The following CDH18 variants were observed in gnomAD, a reference collection of about 807,000 sequenced individuals.
CDH18 encodes the protein cadherin 18.
CDH18 carries 31 observed loss-of-function variants against 67.9 expected under a neutral mutation model. The ratio of observed to expected loss-of-function variants is 0.46; its 90% confidence interval spans 0.34 to 0.62. The LOEUF (loss-of-function observed/expected upper bound fraction) is 0.62, where lower values mean the gene tolerates loss of function less well. Among genes scored for constraint, CDH18 ranks in the 20% least tolerant of loss-of-function variants. The pLI is 0.01. For synonymous variants in CDH18, 362 were observed against 347.2 expected (o/e 1.04, Z -0.48); for missense variants, 890 against 975.5 (o/e 0.91, Z 1.17).
chr5:19,510,351 A>T (rs538801999), intron 10 of CDH18, among the ~76,000 whole-genome samples: 9 of 152,138 alleles, frequency 5.9e-5, no homozygotes, highest in Non-Finnish European at 1.2e-4. Context: ...GATTTGTCTA[A>T]ATGTGGATGC....
chr5:19,934,062 G>C (rs1793989450), intron 2 of CDH18, among the ~76,000 whole-genome samples: 1 of 151,236 alleles, frequency 6.6e-6, no homozygotes, highest in African/African-American at 2.4e-5. Flanking sequence ...AATTCCATGA[G>C]AGCCAGGATT....
chr5:19,775,246 G>A (rs1317815361), intron 3 of CDH18, among the ~76,000 whole-genome samples: 2 of 152,206 alleles, frequency 1.3e-5, no homozygotes, highest in Admixed American at 6.5e-5. Flanking sequence ...AGAAAGAGTT[G>A]ATTGAAAGTA....
At chr5:19,549,685 A>C (rs1331875724) in intron 8 of CDH18, among the ~76,000 whole-genome samples, 4 of 150,972 alleles carry the variant, frequency 2.6e-5, no homozygotes, top group African/African-American at 9.7e-5. Flanking sequence ...GGAAAGAAGA[A>C]AAGCGAAAGA....
chr5:20,418,185 C>T (rs890550839), intron 1 of CDH18, among the ~76,000 whole-genome samples: 16 of 151,276 alleles, frequency 1.1e-4, no homozygotes, highest in Admixed American at 1.1e-3. Context: ...CAGGAATTCT[C>T]CTGCCTCAGC....
intron 1 of CDH18, among the ~76,000 whole-genome samples, chr5:20,518,805 G>A (rs962724067): frequency 2.6e-5 from 4 of 152,102 alleles, no homozygotes; most frequent in African/African-American, 9.7e-5. Flanking sequence ...AGTATGGAAA[G>A]TGTTTCTGCT....
intron 1 of CDH18, among the ~76,000 whole-genome samples, chr5:20,507,241 T>G (rs1231768935): frequency 6.6e-6 from 1 of 152,206 alleles, no homozygotes; most frequent in Non-Finnish European, 1.5e-5. Flanking sequence ...ATGAATAAGT[T>G]ACTTTGTTTG....
chr5:19,725,576 C>A (rs1766732331), intron 4 of CDH18, among the ~76,000 whole-genome samples: 1 of 152,090 alleles, frequency 6.6e-6, no homozygotes, highest in Non-Finnish European at 1.5e-5. Context: ...TTGAGACCAG[C>A]CTGACCAACA....
intron 3 of CDH18, among the ~76,000 whole-genome samples, chr5:19,751,495 C>A (rs1770837573): frequency 6.6e-6 from 1 of 152,124 alleles, no homozygotes; most frequent in Non-Finnish European, 1.5e-5. Flanking sequence ...AAAACTTGCA[C>A]AAAAATATGT....
At chr5:20,187,085 T>C (rs144675959) in intron 2 of CDH18, among the ~76,000 whole-genome samples, 4 of 151,936 alleles carry the variant, frequency 2.6e-5, no homozygotes, top group Admixed American at 6.6e-5. Context: ...GAACTTAAAG[T>C]AGTCAAATTC....
At chr5:20,405,730 CA>C (rs1342946664) in intron 1 of CDH18, among the ~76,000 whole-genome samples, 1 of 152,092 alleles carries the variant, frequency 6.6e-6, no homozygotes, top group Non-Finnish European at 1.5e-5. Context: ...AGAACTCAAA[CA>C]AATTTACAAG....
intron 1 of CDH18, among the ~76,000 whole-genome samples, chr5:20,320,827 C>T (rs1293739045): frequency 1.3e-5 from 2 of 152,106 alleles, no homozygotes; most frequent in Non-Finnish European, 1.5e-5. Context: ...GGAGAACAAC[C>T]ACGGCCACCC....
At chr5:20,032,236 T>G (rs555252666) in intron 2 of CDH18, among the ~76,000 whole-genome samples, 9 of 150,854 alleles carry the variant, frequency 6.0e-5, no homozygotes, top group African/African-American at 2.2e-4. Flanking sequence ...TATATGTGCA[T>G]GTATATATAT....
chr5:19,971,427 T>C (rs775056721), intron 2 of CDH18, among the ~76,000 whole-genome samples: 10 of 152,044 alleles, frequency 6.6e-5, no homozygotes, highest in Non-Finnish European at 5.9e-5. Flanking sequence ...GTTTAAAATA[T>C]ATTACCAGAG....
intron 2 of CDH18, among the ~76,000 whole-genome samples, chr5:20,083,268 GT>G (rs1462484721): frequency 6.6e-6 from 1 of 152,104 alleles, no homozygotes; most frequent in Non-Finnish European, 1.5e-5. Flanking sequence ...TAATATGAAA[GT>G]CAAGTGAACT....
chr5:19,861,534 T>A (rs1236391433), intron 2 of CDH18, among the ~76,000 whole-genome samples: 1 of 152,156 alleles, frequency 6.6e-6, no homozygotes, highest in African/African-American at 2.4e-5. Context: ...CCTTAGGAAG[T>A]CTTTGGATTT....
intron 1 of CDH18, among the ~76,000 whole-genome samples, chr5:20,428,904 C>A (rs1001006532): frequency 6.6e-6 from 1 of 152,058 alleles, no homozygotes; most frequent in Non-Finnish European, 1.5e-5. Context: ...TAGTGAATTT[C>A]CCATCATCCA....
At chr5:20,131,418 T>C (rs2126475814) in intron 2 of CDH18, among the ~76,000 whole-genome samples, 1 of 152,144 alleles carries the variant, frequency 6.6e-6, no homozygotes, top group South Asian at 2.1e-4. Context: ...AATACTATTA[T>C]ACTATCAATA....
intron 1 of CDH18, among the ~76,000 whole-genome samples, chr5:20,335,116 C>G (rs1331868660): frequency 6.6e-6 from 1 of 152,094 alleles, no homozygotes; most frequent in Non-Finnish European, 1.5e-5. Flanking sequence ...GAGTCAAAAC[C>G]TAAGTCCCAC....
At chr5:20,400,096 C>A (rs553157001) in intron 1 of CDH18, among the ~76,000 whole-genome samples, 43 of 152,094 alleles carry the variant, frequency 2.8e-4, no homozygotes, top group Non-Finnish European at 4.9e-4. Context: ...TTGGTGGTCA[C>A]CATGTTTGAT....
Sources: gnomAD v4.1 joint callset for allele counts (sites outside exome capture counted in the v4.1 genomes callset) on GRCh38, gnomAD v4.1.1 for gene constraint, MANE v1.5 for transcripts, NCBI Gene and HGNC (gene_info 2026-07-23, HGNC 2026-07-21) for gene names.